Variants in NDRG4 observed in about 807,000 individuals in gnomAD.
NDRG4 encodes NDRG family member 4.
In NDRG4, 38 loss-of-function variants were observed where a neutral mutation model predicts 55.8. The ratio of observed to expected loss-of-function variants is 0.68; its 90% CI spans 0.53 to 0.89. The LOEUF (loss-of-function observed/expected upper bound fraction) is 0.89, where lower values mean the gene tolerates loss of function less well. NDRG4 is among the 40% of genes least tolerant of loss of function. The pLI is 0.00. For synonymous variants in NDRG4, 190 were observed against 182.7 expected, an observed-to-expected ratio of 1.04 and a Z score of -0.32; for missense variants, 455 against 468.6, an observed-to-expected ratio of 0.97 and a Z score of 0.27.
chr16:58,500,137 C>T (rs947819339), upstream of NDRG4: 1 of 1,534,678 alleles, frequency 6.5e-7, no homozygotes, highest in African/African-American at 1.4e-5. Flanking sequence ...GGAGCTGTGC[C>T]CCATCACAGA....
Position 58,504,096 on chromosome 16 carries a change from C to T in NDRG4, c.128-58C>T, listed in dbSNP as rs529076881. 7.6e-5 allele frequency: 122 copies of T among 1,606,710 alleles called. 2 individuals are homozygous for T. The South Asian group carries it at 1.1e-3, about 15-fold the overall frequency. ...CCTTGCCTGCCCTCTGGGGGCCCGG[C>T]CTTCCTTCCAGTCCCCCGGCCCCTC... On this transcript the variant is annotated intron_variant, in intron 2 of 14. Coordinates refer to ENST00000570248, the MANE Select transcript of NDRG4 (RefSeq NM_001242835.2).
intron 5 of NDRG4, chr16:58,504,882 C>T (rs2037653187): frequency 3.5e-6 from 2 of 566,346 alleles, no homozygotes; most frequent in Non-Finnish European, 6.2e-6. Context: ...AGACTAGAAA[C>T]TATAACTTGC....
chr16:58,509,017 T>G lies in NDRG4; in HGVS notation c.777+8T>G, dbSNP rs767345372. On this transcript the variant is annotated splice_region_variant and intron_variant, in intron 11 of 14. Transcript: ENST00000570248. ...ACTACGACCTTCCTGAAGGTGAGGC[T>G]TTCTTCCCCAGCCCTGGGCCAGCTT... 1 of 1,614,124 alleles carries G rather than the reference T, an allele frequency of 6.2e-7. No homozygotes were observed. The highest frequency in any genetic ancestry group is 8.5e-7 in the Non-Finnish European group (1 of 1,180,020).
Position 58,512,124 on chromosome 16 carries a change from C to A in NDRG4, c.*548C>A, listed in dbSNP as rs1034539110. ...AGCCACTTTCCTGGTGCTCTCTGGG[C>A]CCAGCTGGTGCTGTAGGGCCACGCA... On this transcript the variant is annotated 3_prime_UTR_variant, in exon 15 of 15. Coordinates refer to ENST00000570248, the MANE Select transcript of NDRG4 (RefSeq NM_001242835.2). The A allele has an allele frequency of 2.2e-6, 1 of 456,406 alleles. No homozygotes were observed. The highest frequency in any genetic ancestry group is 6.9e-5 in the East Asian group (1 of 14,410). The allele number at this position is 456,406 out of a possible 1,614,324, so 28.3% of individuals were successfully genotyped here. A position where few individuals can be genotyped will look rare whatever the true frequency, so the allele number is the denominator to read the frequency against.
Position 58,511,603 on chromosome 16 carries a change from A to C in NDRG4, c.*27A>C, listed in dbSNP as rs2038815292. The C allele has an allele frequency of 6.2e-7, 1 of 1,612,642 alleles. No homozygotes were observed. The highest frequency in any genetic ancestry group is 1.3e-5 in the African/African-American group (1 of 74,858). The stretch of plus-strand genomic sequence containing the variant: ...GCCCTTGATCCCGCTGACGACGCCC[A>C]CGTCGAGGCCCCACCGCCATCCTTG... On this transcript the variant is annotated 3_prime_UTR_variant, in exon 15 of 15. Transcript: ENST00000570248.
intron 2 of NDRG4, among the ~76,000 whole-genome samples, chr16:58,489,977 G>A (rs968556853): frequency 4.6e-5 from 7 of 151,896 alleles, no homozygotes; most frequent in East Asian, 1.9e-4. Context: ...CCCGAGTAGC[G>A]AGGATCTTAG....
At chr16:58,476,629 G>A (rs942207586) in intron 1 of NDRG4, among the ~76,000 whole-genome samples, 1 of 152,116 alleles carries the variant, frequency 6.6e-6, no homozygotes, top group Non-Finnish European at 1.5e-5. Context: ...CAGAATTTGC[G>A]AGTGGATGTC....
intron 1 of NDRG4, chr16:58,463,916 G>A: frequency 8.8e-6 from 1 of 114,066 alleles, no homozygotes; most frequent in South Asian, 3.0e-4. Context: ...CCCCACGCAC[G>A]ACCCTAGCCC....
intron 1 of NDRG4, among the ~76,000 whole-genome samples, chr16:58,484,928 C>T (rs2151660877): frequency 6.7e-6 from 1 of 148,554 alleles, no homozygotes; most frequent in Admixed American, 6.7e-5. Flanking sequence ...TGTCCCCAGG[C>T]TGGAGTACAG....
At chr16:58,491,862 G>A (rs1202242514) in intron 2 of NDRG4, among the ~76,000 whole-genome samples, 3 of 152,074 alleles carry the variant, frequency 2.0e-5, no homozygotes, top group South Asian at 2.1e-4. Flanking sequence ...TCCTCCTTCA[G>A]GGAGGTTAGA....
chr16:58,490,419 C>T (rs1283948982), intron 2 of NDRG4, among the ~76,000 whole-genome samples: 1 of 152,116 alleles, frequency 6.6e-6, no homozygotes, highest in Non-Finnish European at 1.5e-5. Context: ...CTCTGCCTAC[C>T]CTGGCCCAGC....
At chr16:58,489,877 C>T (rs970397932) in intron 2 of NDRG4, among the ~76,000 whole-genome samples, 2 of 152,106 alleles carry the variant, frequency 1.3e-5, no homozygotes, top group Admixed American at 6.6e-5. Flanking sequence ...CAGGGTCTCA[C>T]TCTGTCACCC....
intron 1 of NDRG4, among the ~76,000 whole-genome samples, chr16:58,485,365 C>T (rs1292182668): frequency 3.3e-5 from 5 of 152,186 alleles, no homozygotes; most frequent in South Asian, 2.1e-4. Flanking sequence ...CCACCACCTC[C>T]GTCACAGGCC....
intron 1 of NDRG4, among the ~76,000 whole-genome samples, chr16:58,478,306 T>G (rs2033952713): frequency 6.6e-6 from 1 of 151,806 alleles, no homozygotes; most frequent in Admixed American, 6.6e-5. Flanking sequence ...GGAGAATCAC[T>G]TGAACGTGGG....
chr16:58,508,995 A>G lies in NDRG4; in HGVS notation c.763A>G (p.Thr255Ala), dbSNP rs1272798248. Residue 255 changes from threonine (T) to alanine (A), a missense_variant, in exon 11 of 15, where the codon ACG (threonine) becomes GCG (alanine). By Grantham distance (58) the Thr-to-Ala change is moderately conservative (BLOSUM62 0). Coordinates refer to ENST00000570248, the MANE Select transcript of NDRG4 (RefSeq NM_001242835.2). ...CAACTCCAAACTGGACCCGACCACT[A>G]CGACCTTCCTGAAGGTGAGGCTTTC... ...ECNSKLDPTT[T>A]TFLKMADSGG... The G allele has an allele frequency of 1.9e-6, 3 of 1,613,960 alleles. No homozygotes were observed. The highest frequency in any genetic ancestry group is 2.5e-6 in the Non-Finnish European group (3 of 1,180,008).
Position 58,464,882 on chromosome 16 carries a change from G to A in NDRG4, c.-24+1085G>A. ...TGACAATCTGAGCCGTCTTTCTCTG[G>A]GGGAGAAGTTTCTTGCTGGGAGTGG... On this transcript the variant is annotated intron_variant, in intron 1 of 15. Coordinates refer to the NDRG4 transcript ENST00000258187. This position sits in a 1 kb window ranked among gnomAD's most constrained non-coding sequence, Gnocchi z 4.8. 4 of 1,185,736 alleles carry A rather than the reference G, an allele frequency of 3.4e-6. No homozygotes were observed. The highest frequency in any genetic ancestry group is 4.2e-6 in the Non-Finnish European group (4 of 944,682). The allele number at this position is 1,185,736 out of a possible 1,614,324, so 73.5% of individuals were successfully genotyped here.
chr16:58,490,915 T>C (rs1220940955), intron 2 of NDRG4, among the ~76,000 whole-genome samples: 3 of 147,158 alleles, frequency 2.0e-5, no homozygotes, highest in Non-Finnish European at 4.5e-5. Flanking sequence ...AGGTGGAGGT[T>C]GCAGTGAGCC....
At position 58,464,546 on chromosome 16, in the gene NDRG4, G is replaced by C; in HGVS notation, c.-24+749G>C. 8.1e-7 allele frequency: 1 copy of C among 1,240,406 alleles called. No individual in the cohort carries two copies. The allele number at this position is 1,240,406 out of a possible 1,614,324, so 76.8% of individuals were successfully genotyped here. On this transcript the variant is annotated intron_variant, in intron 1 of 15. Transcript: ENST00000258187. The surrounding 1 kb of genome is among the most constrained non-coding windows in gnomAD (Gnocchi z 4.8). ...CCGGGCGCGGCGGCCGGGGACTGGG[G>C]CGGCTCGGGTCTGAGCAGGAAGGGG...
At chr16:58,479,345 T>C (rs1008326375) in intron 1 of NDRG4, among the ~76,000 whole-genome samples, 1 of 152,342 alleles carries the variant, frequency 6.6e-6, no homozygotes, top group East Asian at 1.9e-4. Flanking sequence ...CCATAATTTA[T>C]TTCACCATCC....
Sources: gnomAD v4.1 joint callset for allele counts (sites outside exome capture counted in the v4.1 genomes callset) on GRCh38, gnomAD v4.1.1 for gene constraint, Gnocchi (gnomAD v3.1) non-coding constraint, MANE v1.5 for transcripts, NCBI Gene and HGNC (gene_info 2026-07-23, HGNC 2026-07-21) for gene names.